Variants in ZNF283 observed in about 807,000 individuals in gnomAD.
ZNF283 encodes zinc finger protein 41.
A neutral mutation model predicts 9.2 loss-of-function variants in ZNF283; 10 were observed. The observed-to-expected ratio is 1.09, with a 90% CI of 0.67 to 1.85. The LOEUF is 1.85. Among genes scored for constraint, ZNF283 ranks in the 40% most tolerant of loss-of-function variants. The pLI, the probability that ZNF283 is intolerant of heterozygous loss-of-function variation, is 0.00. For missense variants in ZNF283, 631 were observed against 760.1 expected (o/e 0.83, Z 2.00); for synonymous variants, 234 against 244.1 (o/e 0.96, Z 0.38).
At chr19:43,830,250 G>T (rs73558538) in intron 2 of ZNF283, among the ~76,000 whole-genome samples, 5,779 of 151,976 alleles carry the variant, frequency 0.038, 255 homozygotes, top group African/African-American at 0.1. Context: ...AGTTTTTGTT[G>T]TATTTTTTAT....
At chr19:43,834,841 A>C (rs1970892891) in intron 4 of ZNF283, among the ~76,000 whole-genome samples, 2 of 151,630 alleles carry the variant, frequency 1.3e-5, no homozygotes, top group South Asian at 4.2e-4. Flanking sequence ...TAATCCACCC[A>C]CCTCAGCCTC....
At position 43,850,902 on chromosome 19, in the gene ZNF283, T is replaced by C. The variant is rs1338552390; in HGVS notation, c.*2261T>C. On this transcript the variant is annotated 3_prime_UTR_variant, in exon 7 of 7. Coordinates refer to ENST00000618787, the MANE Select transcript of ZNF283 (RefSeq NM_181845.2). ...GAAATCGACCCTTTTAAAAATTATT[T>C]CTTTTTGAAAATAATGTCAGTTCCA... 6.6e-6 allele frequency: 1 copy of C among 152,216 alleles called. No individual in the cohort carries two copies. Among genetic ancestry groups the C allele is most frequent in the Non-Finnish European group, 1.5e-5 (1 of 68,036 alleles). 9.4% of individuals were successfully genotyped at this position (152,216 alleles called of 1,614,324 possible).
chr19:43,829,182 G>A (rs11878702), intron 2 of ZNF283, among the ~76,000 whole-genome samples: 1,932 of 152,196 alleles, frequency 0.013, 38 homozygotes, highest in African/African-American at 0.044. Context: ...TCAGGAGATC[G>A]AGAACATCCT....
At chr19:43,832,666 A>G (rs573342703) in intron 3 of ZNF283, among the ~76,000 whole-genome samples, 1 of 152,288 alleles carries the variant, frequency 6.6e-6, no homozygotes, top group East Asian at 1.9e-4. Flanking sequence ...AGTAGCCTTA[A>G]GTTTCTTTGG....
rs1193945356 is a variant in ZNF283 at position 43,848,085 on chromosome 19, C to T, written c.1484C>T (p.Thr495Ile). Residue 495 changes from threonine to isoleucine, a missense_variant, in exon 7 of 7, where the codon ACC becomes ATC. By Grantham distance (89) the Thr-to-Ile change is moderately conservative (BLOSUM62 -1). Transcript: ENST00000618787. ...KSHECKECGK[T>I]FCSGYQLTRH... The stretch of plus-strand genomic sequence containing the variant: ...CATGAATGTAAAGAATGCGGAAAGA[C>T]CTTTTGTAGTGGGTATCAACTTACT... 1 of 1,612,028 alleles carries T rather than the reference C, an allele frequency of 6.2e-7. No individual in the cohort carries two copies. The highest frequency in any genetic ancestry group is 8.5e-7 in the Non-Finnish European group (1 of 1,179,566).
chr19:43,848,610 A>G lies in ZNF283; in HGVS notation c.2009A>G (p.Asn670Ser). The change falls in exon 7 of 7, where the codon AAT (asparagine) becomes AGT (serine). Residue 670 changes from asparagine (N) to serine (S), a missense_variant. Asn to Ser is a conservative substitution (Grantham distance 46, BLOSUM62 1). Around this residue, in one of 3 missense-constraint regions of ZNF283, gnomAD observed 444 missense variants for 522.5 expected, o/e 0.85. Transcript: ENST00000618787. ...GEAFLWTTYS[N>S]EKIDTDETL ...GCCTTTCTGTGGACAACTTACTCAA[A>G]TGAGAAAATTGATACTGATGAAACC... 6.4e-7 allele frequency: 1 copy of G among 1,572,122 alleles called. No individual in the cohort carries two copies. The highest frequency in any genetic ancestry group is 1.2e-5 in the South Asian group (1 of 84,062).
chr19:43,831,333 G>A lies in ZNF283; in HGVS notation c.-49G>A. On this transcript the variant is annotated 5_prime_UTR_variant, in exon 3 of 7. Transcript: ENST00000618787. ...TGATTTACAGGAGAATCTTGACAGT[G>A]AATGTGTCTCATTACATTGAATAAC... 3 of 1,595,356 alleles carry A rather than the reference G, an allele frequency of 1.9e-6. No individual in the cohort carries two copies. Among genetic ancestry groups the A allele is most frequent in the Non-Finnish European group, 2.5e-6 (3 of 1,178,312 alleles).
In ZNF283 at chr19:43,851,301, T is replaced by C. The variant is rs1971600645; in HGVS notation, c.*2660T>C. On this transcript the variant is annotated 3_prime_UTR_variant, in exon 7 of 7. Coordinates refer to ENST00000618787, the MANE Select transcript of ZNF283 (RefSeq NM_181845.2). ...AGGAATCACCAGTGCTTACTAGTAC[T>C]TGACAATGAAGGAGGATTTTACAGT... 6.6e-6 allele frequency: 1 copy of C among 152,050 alleles called. No individual in the cohort carries two copies. Among genetic ancestry groups the C allele is most frequent in the Admixed American group, 6.6e-5 (1 of 15,260 alleles). 9.4% of individuals were successfully genotyped at this position (152,050 alleles called of 1,614,324 possible).
At chr19:43,833,748 T>A (rs1970831452) in intron 4 of ZNF283, 122 bp downstream of exon 4, 1 of 152,746 alleles carries the variant, frequency 6.5e-6, no homozygotes, top group Non-Finnish European at 1.5e-5. Context: ...CTCAAAGTGC[T>A]GGGATTACAG....
In ZNF283 at chr19:43,847,074, G is replaced by A; in HGVS notation, c.473G>A (p.Trp158Ter). 6.2e-7 allele frequency: 1 copy of A among 1,612,974 alleles called. No homozygotes were observed. Among genetic ancestry groups the A allele is most frequent in the South Asian group, 1.1e-5 (1 of 90,890 alleles). Residue 158 changes from tryptophan (W) to a stop codon, truncating the protein, a stop_gained, in exon 7 of 7, where the codon TGG (tryptophan) becomes TAG (stop). Coordinates refer to ENST00000618787, the MANE Select transcript of ZNF283 (RefSeq NM_181845.2). LOFTEE classifies it low-confidence loss of function (END_TRUNC). ...GLEASIFRNN[W>*]KCKSIFEGLK... ...GAGGCATCCATCTTCAGAAATAATT[G>A]GAAGTGCAAAAGCATATTCGAGGGA...
At chr19:43,833,013 G>A (rs148185972) in intron 3 of ZNF283, among the ~76,000 whole-genome samples, 2 of 125,578 alleles carry the variant, frequency 1.6e-5, no homozygotes, top group East Asian at 2.3e-4. Flanking sequence ...AGGCAACAGA[G>A]CAAGACCCTG....
At chr19:43,843,587 T>A (rs1308743902) in intron 6 of ZNF283, among the ~76,000 whole-genome samples, 1 of 152,202 alleles carries the variant, frequency 6.6e-6, no homozygotes, top group Admixed American at 6.5e-5. Flanking sequence ...CCTAATACAT[T>A]AAGATTTTTT....
chr19:43,845,459 T>A (rs751214200), intron 6 of ZNF283, among the ~76,000 whole-genome samples: 5 of 152,124 alleles, frequency 3.3e-5, no homozygotes, highest in Admixed American at 3.3e-4. Context: ...AGAACAATAG[T>A]TGTGACTAAT....
At position 43,835,520 on chromosome 19, in the gene ZNF283, A is replaced by C; in HGVS notation, c.138A>C (p.Gly46=). ...SSWDYSSGFS[G]FCASPIEESH... ...CCCTCCCCAGTTCTGGCTTTTCTGG[A>C]TTCTGTGCTTCACCAATAGAGGAAT... Residue 46 remains glycine, a synonymous_variant, in exon 5 of 7, where the codon GGA becomes GGC. Transcript: ENST00000618787. 1 of 1,610,576 alleles carries C rather than the reference A, an allele frequency of 6.2e-7. No individual in the cohort carries two copies. Among genetic ancestry groups the C allele is most frequent in the Non-Finnish European group, 8.5e-7 (1 of 1,178,246 alleles).
In ZNF283 at chr19:43,847,312, TA is replaced by T; in HGVS notation, c.714del (p.Glu239AsnfsTer7). The T allele has an allele frequency of 6.2e-7, 1 of 1,613,972 alleles. No homozygotes were observed. ...THTAEKHFEC[K>X]ECGKNYLSAY... ...ATACAGCTGAAAAACACTTTGAATG[TA>T]AAGAATGTGGGAAGAATTATTTAAG... On this transcript the variant is annotated frameshift_variant, in exon 7 of 7. Transcript: ENST00000618787. LOFTEE classifies it low-confidence loss of function (END_TRUNC).
chr19:43,831,859 G>A (rs550918935), intron 3 of ZNF283, among the ~76,000 whole-genome samples: 2 of 152,124 alleles, frequency 1.3e-5, no homozygotes, highest in Non-Finnish European at 2.9e-5. Flanking sequence ...GAACTCCTGA[G>A]CTCAAGCAAT....
At chr19:43,836,957 C>G in intron 5 of ZNF283, 96 bp from the exon 6 acceptor site, 1 of 1,348,398 alleles carries the variant, frequency 7.4e-7, no homozygotes, top group Non-Finnish European at 1.0e-6. Flanking sequence ...TGTTATATTT[C>G]TCCCCCTCTT....
At position 43,847,093 on chromosome 19, in the gene ZNF283, C is replaced by T. The variant is rs751558121; in HGVS notation, c.492C>T (p.Phe164=). Residue 164 remains phenylalanine, a synonymous_variant, in exon 7 of 7, where the codon TTC becomes TTT. Transcript: ENST00000618787. The part of the protein sequence containing the change: ...FRNNWKCKSI[F]EGLKGHQEGY... ...ATAATTGGAAGTGCAAAAGCATATT[C>T]GAGGGACTAAAAGGACATCAAGAGG... 27 of 1,612,976 alleles carry T rather than the reference C, an allele frequency of 1.7e-5. No homozygotes were observed. The highest frequency in any genetic ancestry group is 9.9e-5 in the South Asian group (9 of 90,932).
intron 6 of ZNF283, among the ~76,000 whole-genome samples, chr19:43,843,993 T>A (rs1420213546): frequency 2.6e-5 from 4 of 152,192 alleles, no homozygotes; most frequent in Non-Finnish European, 5.9e-5. Context: ...CTAAATAACA[T>A]ATTGCCATAG....
Sources: allele counts gnomAD v4.1 joint callset (sites outside exome capture counted in the v4.1 genomes callset), GRCh38; gene constraint gnomAD v4.1.1; regional missense constraint gnomAD v4.1.1; transcripts MANE v1.5; gene names NCBI Gene and HGNC (gene_info 2026-07-23, HGNC 2026-07-21).